Variants in DAAM2 observed in about 807,000 individuals in gnomAD.
The protein encoded by DAAM2 is disheveled-associated activator of morphogenesis 2.
In DAAM2, 39 loss-of-function variants were observed where a neutral mutation model predicts 120.7. That is an observed-to-expected ratio of 0.32 (90% confidence interval 0.25 to 0.42). The LOEUF (loss-of-function observed/expected upper bound fraction) is 0.42. Ranked by LOEUF, DAAM2 falls within the 10% of genes least tolerant of loss-of-function variation. DAAM2 has a pLI of 1.00. For synonymous variants in DAAM2, 488 were observed against 524.9 expected, an observed-to-expected ratio of 0.93 and a Z score of 0.96; for missense variants, 1,283 against 1,401.7, an observed-to-expected ratio of 0.92 and a Z score of 1.35.
chr6:39,825,662 G>A lies in DAAM2; in HGVS notation c.-56-30585G>A, dbSNP rs138998363. 7.9e-5 allele frequency among the ~76,000 whole-genome samples: 12 copies of A among 152,280 alleles called. No homozygotes were observed. In the East Asian group the frequency reaches 1.9e-3, roughly 25 times the overall value. ...TCCCACCGTGGCTGTGATTGGGCAG[G>A]TGGGAATGGGGGGAGTCAAGGGAGC... On this transcript the variant is annotated intron_variant, in intron 1 of 24. Transcript: ENST00000274867.
intron 1 of DAAM2, among the ~76,000 whole-genome samples, chr6:39,847,501 A>G (rs181957420): frequency 6.6e-6 from 1 of 152,238 alleles, no homozygotes; most frequent in East Asian, 1.9e-4. Context: ...CCCCAGACTT[A>G]CGGCGCTAAT....
intron 3 of DAAM2, chr6:39,861,285 A>C: frequency 2.0e-6 from 1 of 502,274 alleles, no homozygotes; most frequent in South Asian, 1.9e-5. Flanking sequence ...ACAGACAAAG[A>C]AGCAGAGTCT....
At position 39,832,533 on chromosome 6, in the gene DAAM2, A is replaced by G. The variant is rs140535811; in HGVS notation, c.-56-23714A>G. The stretch of plus-strand genomic sequence containing the variant: ...TCAGCTGTGCAGGAAAAAGTAATTG[A>G]TTCTTATAATGGATAATTTTCAATG... On this transcript the variant is annotated intron_variant, in intron 1 of 24. Transcript: ENST00000274867. Among the ~76,000 whole-genome samples the G allele has an allele frequency of 2.4e-4, 37 of 152,288 alleles. No individual in the cohort carries two copies. The East Asian group carries it at 7.2e-3, about 29-fold the overall frequency.
Position 39,868,966 on chromosome 6 carries a change from C to G in DAAM2, c.873+33C>G, listed in dbSNP as rs567149922. On this transcript the variant is annotated intron_variant, in intron 7 of 24. Coordinates refer to ENST00000274867, the MANE Select transcript of DAAM2 (RefSeq NM_001201427.2). ...GCCTTCTCCTTGCCCTTGCTGTTCCCTGACTTTCTGGACCTGGGGTAGAGT... is the reference window on the plus strand; with the variant it reads ...GCCTTCTCCTTGCCCTTGCTGTTCCGTGACTTTCTGGACCTGGGGTAGAGT... 5.5e-6 allele frequency: 8 copies of G among 1,455,166 alleles called. No homozygotes were observed. The South Asian group carries it at 8.5e-5, about 15-fold the overall frequency. The allele number at this position is 1,455,166 out of a possible 1,614,324, so 90.1% of individuals were successfully genotyped here.
intron 1 of DAAM2, among the ~76,000 whole-genome samples, chr6:39,811,737 C>T (rs1372442321): frequency 1.3e-5 from 2 of 152,170 alleles, no homozygotes; most frequent in Non-Finnish European, 1.5e-5. Flanking sequence ...GGTCTGTTTG[C>T]CCAGGTTACT....
chr6:39,813,994 G>C (rs1335471284), intron 1 of DAAM2, among the ~76,000 whole-genome samples: 1 of 152,112 alleles, frequency 6.6e-6, no homozygotes, highest in South Asian at 2.1e-4. Flanking sequence ...GGGGGAAAGG[G>C]GCCCTAAAAG....
chr6:39,901,573 A>C lies in DAAM2; in HGVS notation c.2982+101A>C. 2.3e-6 allele frequency: 3 copies of C among 1,293,372 alleles called. No homozygotes were observed. The highest frequency in any genetic ancestry group is 3.2e-6 in the Non-Finnish European group (3 of 949,484). The allele number at this position is 1,293,372 out of a possible 1,614,324, so 80.1% of individuals were successfully genotyped here. A position where few individuals can be genotyped will look rare whatever the true frequency, so the allele number is the denominator to read the frequency against. ...GTGGGAGGAGGGCAGAGACTGAGGA[A>C]CTGAGGAACACCATAGGGGTTGGAT... is the stretch of plus-strand genomic sequence containing the variant. On this transcript the variant is annotated intron_variant, in intron 24 of 24. Coordinates refer to ENST00000274867, the MANE Select transcript of DAAM2 (RefSeq NM_001201427.2). The surrounding 1 kb of genome is among the most constrained non-coding windows in gnomAD (Gnocchi z 4.5).
chr6:39,822,110 T>A (rs1340866368), intron 1 of DAAM2: 1 of 152,320 alleles, frequency 6.6e-6, no homozygotes, highest in Non-Finnish European at 1.5e-5. Flanking sequence ...TCCCCAGAGC[T>A]GGAGTGAGAA....
intron 1 of DAAM2, among the ~76,000 whole-genome samples, chr6:39,846,906 G>A (rs1763616523): frequency 6.6e-6 from 1 of 152,134 alleles, no homozygotes; most frequent in African/African-American, 2.4e-5. Flanking sequence ...TTAGGAGGAG[G>A]AAAGGAGTCA....
In DAAM2 at chr6:39,878,574, C is replaced by A. The variant is rs372703847; in HGVS notation, c.1531C>A (p.Leu511Ile). Reference protein sequence around the residue: ...RGQVAELVAQLSELSTGPVSS... With the variant: ...RGQVAELVAQISELSTGPVSS... ...ACAAGTGGCAGAGCTGGTAGCCCAG[C>A]TCAGTGAACTCTCAGTATGCAAGCA... Residue 511 changes from leucine (L) to isoleucine (I), a missense_variant, in exon 13 of 25, where the codon CTC becomes ATC. Leu to Ile is a conservative substitution (Grantham distance 5, BLOSUM62 2). Transcript: ENST00000274867. The surrounding 1 kb of genome is among the most constrained non-coding windows in gnomAD (Gnocchi z 5.0). 9 of 1,604,870 alleles carry A rather than the reference C, an allele frequency of 5.6e-6. 1 individual carries two copies. In the South Asian group the frequency reaches 1.0e-4, roughly 18 times the overall value.
rs1765503747 is a variant in DAAM2 at position 39,888,446 on chromosome 6, A to G, written c.2061-233A>G. 5.2e-6 allele frequency: 2 copies of G among 383,508 alleles called. 1 individual carries two copies. The allele number at this position is 383,508 out of a possible 1,614,324, so 23.8% of individuals were successfully genotyped here. The stretch of plus-strand genomic sequence containing the variant: ...ATGCCCCTATCAGCTCTGATGGATT[A>G]TCAAGAGAACAGAGACCCTCACGTC... On this transcript the variant is annotated intron_variant, in intron 16 of 24. Coordinates refer to ENST00000274867, the MANE Select transcript of DAAM2 (RefSeq NM_001201427.2).
At chr6:39,874,992 T>C (rs1013927999) in intron 10 of DAAM2, among the ~76,000 whole-genome samples, 20 of 152,186 alleles carry the variant, frequency 1.3e-4, no homozygotes, top group Non-Finnish European at 2.9e-5. Context: ...CAGGTGGTTT[T>C]TATAGATAAT....
intron 13 of DAAM2, 28 bp from the exon 14 acceptor site, chr6:39,879,150 T>C (rs1308747934): frequency 1.4e-6 from 2 of 1,479,250 alleles, no homozygotes; most frequent in East Asian, 4.9e-5. Context: ...GATGGCTTTG[T>C]CCTTGCAATT....
At chr6:39,836,081 T>G (rs1195851972) in intron 1 of DAAM2, among the ~76,000 whole-genome samples, 1 of 152,026 alleles carries the variant, frequency 6.6e-6, no homozygotes, top group Non-Finnish European at 1.5e-5. Context: ...ATTGCAAGCT[T>G]GGAGAGAAGG....
intron 1 of DAAM2, among the ~76,000 whole-genome samples, chr6:39,799,244 T>C (rs904161529): frequency 1.7e-4 from 26 of 152,184 alleles, no homozygotes; most frequent in Admixed American, 1.6e-3. Flanking sequence ...TTTGATTTCT[T>C]GTCAGCAGAT....
chr6:39,863,224 G>A lies in DAAM2; in HGVS notation c.259-1209G>A, dbSNP rs188879625. On this transcript the variant is annotated intron_variant, in intron 3 of 24. Transcript: ENST00000274867. ...AGTGCATATGGCATGGGTAAATGAC[G>A]AGCCAGCAAGTTTAGGAAAGGATGT... is the stretch of plus-strand genomic sequence containing the variant. Among the ~76,000 whole-genome samples, 336 of 152,066 alleles carry A rather than the reference G, an allele frequency of 2.2e-3. 1 individual carries two copies. Among genetic ancestry groups the A allele is most frequent in the Admixed American group, 5.9e-3 (90 of 15,260 alleles).
rs1393611293 is a variant in DAAM2 at position 39,904,329 on chromosome 6, T to C, written c.*2292T>C. On this transcript the variant is annotated 3_prime_UTR_variant, in exon 25 of 25. Transcript: ENST00000274867. ...CAGTGGCTCTGGTGCTAGATGCCACTGTAGCCAGATCTCCAACAGTGCCTT... is the reference window on the plus strand; with the variant it reads ...CAGTGGCTCTGGTGCTAGATGCCACCGTAGCCAGATCTCCAACAGTGCCTT... 6.6e-6 allele frequency: 3 copies of C among 456,632 alleles called. No individual in the cohort carries two copies. Among genetic ancestry groups the C allele is most frequent in the East Asian group, 6.9e-5 (1 of 14,412 alleles). The allele number at this position is 456,632 out of a possible 1,614,324, so 28.3% of individuals were successfully genotyped here.
intron 3 of DAAM2, among the ~76,000 whole-genome samples, chr6:39,864,142 CAG>C (rs1208994538): frequency 6.6e-6 from 1 of 151,974 alleles, no homozygotes; most frequent in East Asian, 1.9e-4. Context: ...GCTGAGCAAA[CAG>C]AACAAGAGAA....
chr6:39,844,305 G>T (rs1039468892), intron 1 of DAAM2, among the ~76,000 whole-genome samples: 3 of 152,092 alleles, frequency 2.0e-5, no homozygotes, highest in South Asian at 2.1e-4. Flanking sequence ...TAGCAGAGGT[G>T]GGGGGTTGAG....
Sources: allele counts gnomAD v4.1 joint callset (sites outside exome capture counted in the v4.1 genomes callset), GRCh38; gene constraint gnomAD v4.1.1; non-coding constraint Gnocchi (gnomAD v3.1); transcripts MANE v1.5; gene names NCBI Gene and HGNC (gene_info 2026-07-23, HGNC 2026-07-21).